TRIM44: variants seen among roughly 807,000 people sequenced by gnomAD.
TRIM44 encodes tripartite motif containing 44.
TRIM44 carries 13 observed loss-of-function variants against 37.4 expected under a neutral mutation model. The observed-to-expected ratio is 0.35, with a 90% CI of 0.23 to 0.55. TRIM44 has a LOEUF of 0.55. TRIM44 is among the 20% of genes least tolerant of loss of function. The probability of loss-of-function intolerance (pLI) is 0.89; values close to 1 mark genes in which losing one functional copy is unlikely to be tolerated. For missense variants in TRIM44, 426 were observed against 437.2 expected (o/e 0.97, Z 0.23); for synonymous variants, 175 against 157.2 (o/e 1.11, Z -0.85).
At position 35,735,277 on chromosome 11, in the gene TRIM44, A is replaced by C. The variant is rs188637960; in HGVS notation, c.988-149A>C. ...ATAGGATTATATTAGCTCTTGTCTT[A>C]GCCTTTAGATGTCTGTTGGTTTGTC... On this transcript the variant is annotated intron_variant, in intron 3 of 4. Coordinates refer to ENST00000299413, the MANE Select transcript of TRIM44 (RefSeq NM_017583.6). 285 of 734,640 alleles carry C rather than the reference A, an allele frequency of 3.9e-4. 1 individual carries two copies. In the African/African-American group the frequency reaches 4.7e-3, roughly 12 times the overall value. The allele number at this position is 734,640 out of a possible 1,614,324, so 45.5% of individuals were successfully genotyped here.
intron 2 of TRIM44, among the ~76,000 whole-genome samples, chr11:35,706,747 T>C (rs1366995247): frequency 4.6e-5 from 7 of 151,936 alleles, no homozygotes; most frequent in Non-Finnish European, 7.4e-5. Context: ...AAATTAGGTA[T>C]TGATGGGACA....
intron 2 of TRIM44, among the ~76,000 whole-genome samples, chr11:35,707,342 G>A (rs1851900124): frequency 6.6e-6 from 1 of 152,106 alleles, no homozygotes; most frequent in African/African-American, 2.4e-5. Context: ...TACTGCCCAA[G>A]GTAATTTATA....
chr11:35,693,056 T>A (rs1395015496), intron 2 of TRIM44, among the ~76,000 whole-genome samples: 1 of 152,108 alleles, frequency 6.6e-6, no homozygotes, highest in Non-Finnish European at 1.5e-5. Context: ...GGGTGCCTCG[T>A]GGTCAGAACA....
chr11:35,779,288 G>T (rs550391801), intron 4 of TRIM44, among the ~76,000 whole-genome samples: 12 of 152,194 alleles, frequency 7.9e-5, no homozygotes, highest in Non-Finnish European at 8.8e-5. Context: ...TGCTAAGACC[G>T]TTGGAAAAGC....
In TRIM44 at chr11:35,775,784, G is replaced by C. The variant is rs140749694; in HGVS notation, c.1008-30574G>C. 8.8e-3 allele frequency among the ~76,000 whole-genome samples: 1,344 copies of C among 152,210 alleles called. 17 individuals carry two copies. Among genetic ancestry groups the C allele is most frequent in the African/African-American group, 0.03 (1,251 of 41,520 alleles). ...TGCTGGATTATGTTTATTGATTTGC[G>C]TATGTTGAACCAGCCTCACATCCCA... On this transcript the variant is annotated intron_variant, in intron 4 of 4. Transcript: ENST00000299413.
chr11:35,692,228 A>G (rs1851644468), intron 2 of TRIM44, among the ~76,000 whole-genome samples: 1 of 152,118 alleles, frequency 6.6e-6, no homozygotes, highest in South Asian at 2.1e-4. Flanking sequence ...GCCTCACTCA[A>G]AGCATCTGAT....
chr11:35,711,410 C>A (rs1411817436), intron 2 of TRIM44, among the ~76,000 whole-genome samples: 2 of 151,128 alleles, frequency 1.3e-5, no homozygotes, highest in East Asian at 3.9e-4. Context: ...CCTATCAGCT[C>A]AATGCTATCT....
intron 4 of TRIM44, among the ~76,000 whole-genome samples, chr11:35,791,111 A>G (rs1481054352): frequency 6.6e-6 from 1 of 152,084 alleles, no homozygotes; most frequent in Non-Finnish European, 1.5e-5. Context: ...TGGCTTTGAC[A>G]AAGAGGGAGC....
intron 2 of TRIM44, among the ~76,000 whole-genome samples, chr11:35,707,635 C>T (rs906471011): frequency 2.0e-5 from 3 of 147,888 alleles, no homozygotes; most frequent in Non-Finnish European, 4.6e-5. Context: ...TGTTCTTTGA[C>T]AAACCTGACA....
At chr11:35,673,842 A>G (rs998049897) in intron 1 of TRIM44, among the ~76,000 whole-genome samples, 7 of 152,018 alleles carry the variant, frequency 4.6e-5, no homozygotes, top group Non-Finnish European at 8.8e-5. Flanking sequence ...CACTCTTGAC[A>G]GGGAGGTTGC....
At chr11:35,760,006 ACT>A (rs1852700625) in intron 4 of TRIM44, among the ~76,000 whole-genome samples, 1 of 151,966 alleles carries the variant, frequency 6.6e-6, no homozygotes, top group African/African-American at 2.4e-5. Flanking sequence ...GAGAACCACT[ACT>A]CTCTTCAAAG....
intron 4 of TRIM44, among the ~76,000 whole-genome samples, chr11:35,763,601 A>G (rs1852756112): frequency 6.6e-6 from 1 of 152,184 alleles, no homozygotes; most frequent in African/African-American, 2.4e-5. Flanking sequence ...TTCCAGCTCT[A>G]TTCCTCTGGC....
At chr11:35,763,326 G>A (rs1373830135) in intron 4 of TRIM44, among the ~76,000 whole-genome samples, 1 of 152,040 alleles carries the variant, frequency 6.6e-6, no homozygotes, top group Non-Finnish European at 1.5e-5. Flanking sequence ...TGACATTCTG[G>A]ACTTGGATAA....
Position 35,663,355 on chromosome 11 carries a change from G to A in TRIM44, c.244G>A (p.Glu82Lys), listed in dbSNP as rs746222708. The A allele has an allele frequency of 6.2e-7, 1 of 1,613,802 alleles. No individual in the cohort carries two copies. The highest frequency in any genetic ancestry group is 1.1e-5 in the South Asian group (1 of 91,034). ...DGEGAGKEEA[E>K]VKVEQEREIE... Reference sequence around the variant, plus strand: ...AGAGGGGGCGGGGAAGGAAGAAGCGGAGGTCAAGGTGGAGCAGGAGAGGGA... The same window carrying A: ...AGAGGGGGCGGGGAAGGAAGAAGCGAAGGTCAAGGTGGAGCAGGAGAGGGA... The change falls in exon 1 of 5, where the codon GAG (glutamate) becomes AAG (lysine). Residue 82 changes from glutamate to lysine, a missense_variant. Glu to Lys is a moderately conservative substitution (Grantham distance 56, BLOSUM62 1). Transcript: ENST00000299413.
chr11:35,817,778 G>A lies in TRIM44; in HGVS notation c.*11393G>A, dbSNP rs1002100276. On this transcript the variant is annotated 3_prime_UTR_variant, in exon 5 of 5. Transcript: ENST00000299413. ...GTTTTCTCATGATTTAACAACATCCGCCCTTTGTTGTCATGATAGTGAGTT... is the reference window on the plus strand; with the variant it reads ...GTTTTCTCATGATTTAACAACATCCACCCTTTGTTGTCATGATAGTGAGTT... 2 of 152,096 alleles carry A rather than the reference G, an allele frequency of 1.3e-5. No homozygotes were observed. Among genetic ancestry groups the A allele is most frequent in the Non-Finnish European group, 2.9e-5 (2 of 68,038 alleles). 9.4% of individuals were successfully genotyped at this position (152,096 alleles called of 1,614,324 possible).
chr11:35,743,949 A>G (rs1852450641), intron 4 of TRIM44, among the ~76,000 whole-genome samples: 1 of 152,314 alleles, frequency 6.6e-6, no homozygotes, highest in East Asian at 1.9e-4. Context: ...TATGCCAGAG[A>G]ATAGTTAAAA....
At chr11:35,697,018 C>T (rs1851709950) in intron 2 of TRIM44, among the ~76,000 whole-genome samples, 1 of 152,028 alleles carries the variant, frequency 6.6e-6, no homozygotes, top group Admixed American at 6.5e-5. Flanking sequence ...ACCTTAAAGA[C>T]AAATCTTTCC....
In TRIM44 at chr11:35,774,945, A is replaced by G. The variant is rs1852934427; in HGVS notation, c.1008-31413A>G. ...CTTTTGGCTTAGGATTGTCTTGGCA[A>G]TGTGGGCTCTTTTTTGGTTCCATAT... On this transcript the variant is annotated intron_variant, in intron 4 of 4. Transcript: ENST00000299413. Among the ~76,000 whole-genome samples, 3 of 152,212 alleles carry G rather than the reference A, an allele frequency of 2.0e-5. No individual in the cohort carries two copies. The South Asian group carries it at 6.2e-4, about 32-fold the overall frequency.
At chr11:35,791,381 C>T (rs1853207426) in intron 4 of TRIM44, among the ~76,000 whole-genome samples, 1 of 152,122 alleles carries the variant, frequency 6.6e-6, no homozygotes, top group Non-Finnish European at 1.5e-5. Flanking sequence ...ATATTTTAAG[C>T]ATAGCCCTTG....
Sources: gnomAD v4.1 joint callset for allele counts (sites outside exome capture counted in the v4.1 genomes callset) on GRCh38, gnomAD v4.1.1 for gene constraint, MANE v1.5 for transcripts, NCBI Gene and HGNC (gene_info 2026-07-23, HGNC 2026-07-21) for gene names.